Variants in SAV1 observed in about 807,000 individuals in gnomAD.
The protein encoded by SAV1 is protein salvador homolog 1.
In SAV1, 23 loss-of-function variants were observed where a neutral mutation model predicts 47.3. That is an observed-to-expected ratio of 0.49 (90% CI 0.35 to 0.69). The LOEUF is 0.69. Among genes scored for constraint, SAV1 ranks in the 30% least tolerant of loss-of-function variants. The pLI, the probability that SAV1 is intolerant of heterozygous loss-of-function variation, is 0.01. For synonymous variants in SAV1, 155 were observed against 159.2 expected (o/e 0.97, Z 0.20); for missense variants, 448 against 457.4 (o/e 0.98, Z 0.19).
chr14:50,639,813 CAGTT>C lies in SAV1; in HGVS notation c.950+933_950+936del, dbSNP rs1314499406. ...CCACCCCCAGAAATACTAAGGTTAA[CAGTT>C]AGGCACATATTCTTCCAGATTTAAG... On this transcript the variant is annotated intron_variant, in intron 4 of 4. Coordinates refer to ENST00000324679, the MANE Select transcript of SAV1 (RefSeq NM_021818.4). Among the ~76,000 whole-genome samples the C allele has an allele frequency of 6.6e-5, 10 of 152,260 alleles. 1 individual carries two copies. Among genetic ancestry groups the C allele is most frequent in the South Asian group, 6.2e-4 (3 of 4,822 alleles).
chr14:50,658,361 C>G (rs1224091966), intron 2 of SAV1, among the ~76,000 whole-genome samples: 1 of 152,188 alleles, frequency 6.6e-6, no homozygotes, highest in Non-Finnish European at 1.5e-5. Context: ...CTTTAGTATT[C>G]CAACTAAAGA....
chr14:50,636,302 T>C (rs974085109), intron 4 of SAV1, among the ~76,000 whole-genome samples: 12 of 150,372 alleles, frequency 8.0e-5, no homozygotes, highest in African/African-American at 2.7e-4. Flanking sequence ...TGTTGATGCA[T>C]CTTTTTGAGG....
At chr14:50,650,696 C>T (rs897460840) in intron 2 of SAV1, among the ~76,000 whole-genome samples, 6 of 152,184 alleles carry the variant, frequency 3.9e-5, no homozygotes, top group African/African-American at 9.7e-5. Flanking sequence ...GAACTGAAGC[C>T]TCCTGTTAAC....
chr14:50,659,281 A>G (rs1229388665), intron 2 of SAV1, among the ~76,000 whole-genome samples: 1 of 152,172 alleles, frequency 6.6e-6, no homozygotes. Flanking sequence ...TGTTCCAATA[A>G]AACTACTGTA....
chr14:50,634,379 GCT>G lies in SAV1; in HGVS notation c.*802_*803del, dbSNP rs937234113. On this transcript the variant is annotated 3_prime_UTR_variant, in exon 5 of 5. Coordinates refer to ENST00000324679, the MANE Select transcript of SAV1 (RefSeq NM_021818.4). ...TTTTTATTTTTTGAGACAAGGTCTG[GCT>G]CTCTCTCTCTCAGGCTGCAGTGCAA... is the stretch of plus-strand genomic sequence containing the variant. 474 of 290,248 alleles carry G rather than the reference GCT, an allele frequency of 1.6e-3. No homozygotes were observed. Among genetic ancestry groups the G allele is most frequent in the South Asian group, 3.2e-3 (104 of 32,652 alleles). 18.0% of individuals were successfully genotyped at this position (290,248 alleles called of 1,614,324 possible).
At chr14:50,636,287 A>G (rs970329895) in intron 4 of SAV1, among the ~76,000 whole-genome samples, 1 of 152,144 alleles carries the variant, frequency 6.6e-6, no homozygotes, top group Admixed American at 6.5e-5. Flanking sequence ...CATTTGCATC[A>G]TTCATGTTGA....
chr14:50,654,146 T>C (rs2039793087), intron 2 of SAV1, among the ~76,000 whole-genome samples: 1 of 152,200 alleles, frequency 6.6e-6, no homozygotes. Context: ...GCTCCATCAA[T>C]GGACTTTACC....
Position 50,634,023 on chromosome 14 carries a change from T to A in SAV1, c.*1160A>T. On this transcript the variant is annotated 3_prime_UTR_variant, in exon 5 of 5. Coordinates refer to ENST00000324679, the MANE Select transcript of SAV1 (RefSeq NM_021818.4). The stretch of plus-strand genomic sequence containing the variant: ...TACTTAGAAAATTAAAAAGTAATAA[T>A]ATACATTCGATTTAATGACCAAAAA... The A allele has an allele frequency of 3.6e-6, 1 of 280,318 alleles. No homozygotes were observed. 17.4% of individuals were successfully genotyped at this position (280,318 alleles called of 1,614,324 possible). A position where few individuals can be genotyped will look rare whatever the true frequency, so the allele number is the denominator to read the frequency against.
At chr14:50,652,941 G>C (rs1024390955) in intron 2 of SAV1, among the ~76,000 whole-genome samples, 37 of 152,236 alleles carry the variant, frequency 2.4e-4, no homozygotes, top group African/African-American at 8.4e-4. Flanking sequence ...TGAGGCAGGA[G>C]AACTGCTTGA....
At chr14:50,652,337 A>C (rs528959031) in intron 2 of SAV1, among the ~76,000 whole-genome samples, 1 of 152,248 alleles carries the variant, frequency 6.6e-6, no homozygotes, top group African/African-American at 2.4e-5. Context: ...GAAAGCAACA[A>C]AACATATTTC....
intron 2 of SAV1, among the ~76,000 whole-genome samples, chr14:50,650,032 A>G (rs2039754263): frequency 6.6e-6 from 1 of 152,242 alleles, no homozygotes; most frequent in Middle Eastern, 3.2e-3. Flanking sequence ...AGAAAGGCAA[A>G]TGAAACAGAC....
At chr14:50,656,131 A>G (rs1280452409) in intron 2 of SAV1, among the ~76,000 whole-genome samples, 2 of 152,222 alleles carry the variant, frequency 1.3e-5, no homozygotes, top group Admixed American at 6.5e-5. Flanking sequence ...ATACTTCCAT[A>G]TATGTACTGA....
At chr14:50,659,502 G>A (rs575446370) in intron 2 of SAV1, among the ~76,000 whole-genome samples, 4 of 152,224 alleles carry the variant, frequency 2.6e-5, no homozygotes, top group African/African-American at 9.6e-5. Flanking sequence ...GTCTTCCTGT[G>A]GCAGCCCCTG....
At chr14:50,645,572 A>T (rs2039714975) in intron 2 of SAV1, among the ~76,000 whole-genome samples, 1 of 147,442 alleles carries the variant, frequency 6.8e-6, no homozygotes, top group African/African-American at 2.5e-5. Flanking sequence ...ATTCCAAAAT[A>T]AAAAAAAAAA....
chr14:50,666,440 C>T (rs566514594), intron 1 of SAV1, among the ~76,000 whole-genome samples: 2 of 152,300 alleles, frequency 1.3e-5, no homozygotes, highest in Admixed American at 6.5e-5. Flanking sequence ...TGCAGACCCT[C>T]TTATTATTCA....
In SAV1 at chr14:50,640,783, T is replaced by G. The variant is rs1232449934; in HGVS notation, c.917A>C (p.Asp306Ala). ...GGCTCGTGCGTAAACCTGAAGCCAG[T>G]CAGGAATTTCTGCAGTATGATATGG... ...ANPYHTAEIP[D>A]WLQVYARAPV... is the part of the protein sequence containing the mutation. Residue 306 changes from aspartate (D) to alanine (A), a missense_variant, in exon 4 of 5, where the codon GAC becomes GCC. By Grantham distance (126) the Asp-to-Ala change is moderately radical. Coordinates refer to ENST00000324679, the MANE Select transcript of SAV1 (RefSeq NM_021818.4). 1.2e-6 allele frequency: 2 copies of G among 1,613,670 alleles called. No homozygotes were observed. Among genetic ancestry groups the G allele is most frequent in the Admixed American group, 3.3e-5 (2 of 59,952 alleles).
At chr14:50,635,435 T>C in intron 4 of SAV1, 51 bp from the exon 5 acceptor site, 1 of 1,382,936 alleles carries the variant, frequency 7.2e-7, no homozygotes, top group South Asian at 1.2e-5. Context: ...CATAAACATG[T>C]ATTTCTAGCA....
In SAV1 at chr14:50,665,332, C is replaced by A. The variant is rs1294458651; in HGVS notation, c.382G>T (p.Asp128Tyr). The A allele has an allele frequency of 1.2e-6, 2 of 1,613,732 alleles. No homozygotes were observed. The highest frequency in any genetic ancestry group is 1.7e-6 in the Non-Finnish European group (2 of 1,179,772). Residue 128 changes from aspartate to tyrosine, a missense_variant, in exon 2 of 5, where the codon GAC becomes TAC. Asp to Tyr is a radical substitution (Grantham distance 160, BLOSUM62 -3). Transcript: ENST00000324679. ...TEVSFAVENG[D>Y]SGSRYYYSDN... ...GAATAATAATATCGGGAACCAGAGT[C>A]TCCATTTTCAACAGCAAAACTAACT...
Position 50,668,256 on chromosome 14 carries a change from CCAGGG to C in SAV1, c.-294_-290del, listed in dbSNP as rs2039923147. ...GTGAGGAAAGCCCAGCGACGCCGGG[CCAGGG>C]CCAGGGCCATGGTCCGCCGCGGGCC... On this transcript the variant is annotated 5_prime_UTR_variant, in exon 1 of 5. It introduces an in-frame stop codon into an upstream open reading frame of the 5' UTR. Coordinates refer to ENST00000324679, the MANE Select transcript of SAV1 (RefSeq NM_021818.4). 7.7e-5 allele frequency: 1 copy of C among 12,980 alleles called. No homozygotes were observed. The highest frequency in any genetic ancestry group is 1.2e-4 in the Non-Finnish European group (1 of 8,026). The allele number at this position is 12,980 out of a possible 1,614,324, so 0.8% of individuals were successfully genotyped here. A position where few individuals can be genotyped will look rare whatever the true frequency, so the allele number is the denominator to read the frequency against.
Sources: gnomAD v4.1 joint callset for allele counts (sites outside exome capture counted in the v4.1 genomes callset) on GRCh38, gnomAD v4.1.1 for gene constraint, MANE v1.5 for transcripts, NCBI Gene and HGNC (gene_info 2026-07-23, HGNC 2026-07-21) for gene names.